The following MAST4 variants were observed in gnomAD, a reference collection of about 807,000 sequenced individuals.
MAST4 encodes the protein microtubule-associated serine/threonine-protein kinase 4.
A neutral mutation model predicts 162.7 loss-of-function variants in MAST4; 89 were observed. The observed-to-expected ratio is 0.55, with a 90% CI of 0.46 to 0.65. The LOEUF is 0.65. MAST4 is among the 30% of genes least tolerant of loss of function. MAST4 has a pLI of 0.00. For synonymous variants in MAST4, 1,479 were observed against 1,361.1 expected (o/e 1.09, Z -1.91); for missense variants, 3,153 against 3,374.0 (o/e 0.93, Z 1.62).
At chr5:66,722,846 A>G (rs956075325) in intron 1 of MAST4, among the ~76,000 whole-genome samples, 17 of 152,102 alleles carry the variant, frequency 1.1e-4, no homozygotes, top group Admixed American at 5.2e-4. Flanking sequence ...GGGGAGAGAT[A>G]CCCTCCTTAC....
intron 1 of MAST4, among the ~76,000 whole-genome samples, chr5:66,731,623 G>A (rs1464005274): frequency 6.6e-6 from 1 of 152,040 alleles, no homozygotes; most frequent in Non-Finnish European, 1.5e-5. Context: ...ACAAAAGGCA[G>A]TCTTTTCCTC....
In MAST4 at chr5:67,165,425, G is replaced by A; in HGVS notation, c.6246G>A (p.Lys2082=). ...LGKVRRGVEP[K]PEALLARRSL... The stretch of plus-strand genomic sequence containing the variant: ...AGGTGAGGCGTGGCGTGGAACCCAA[G>A]CCCGAAGCGCTTCTTGCCAGGCGGT... Residue 2082 remains lysine, a synonymous_variant, in exon 29 of 29, where the codon AAG becomes AAA. Coordinates refer to ENST00000403625, the MANE Select transcript of MAST4 (RefSeq NM_001164664.2). 1.2e-6 allele frequency: 2 copies of A among 1,613,914 alleles called. No individual in the cohort carries two copies. Among genetic ancestry groups the A allele is most frequent in the Non-Finnish European group, 1.7e-6 (2 of 1,179,898 alleles).
intron 1 of MAST4, among the ~76,000 whole-genome samples, chr5:66,610,035 T>G (rs1299268869): frequency 6.6e-6 from 1 of 152,018 alleles, no homozygotes; most frequent in Non-Finnish European, 1.5e-5. Context: ...TGGTGCAAAA[T>G]TATTTGCAGT....
intron 6 of MAST4, chr5:67,094,192 G>T: frequency 6.9e-7 from 1 of 1,451,198 alleles, no homozygotes; most frequent in South Asian, 1.4e-5. Context: ...TCTTAACATT[G>T]TAGTAGTTCT....
chr5:66,954,294 A>G (rs973660193), intron 4 of MAST4, among the ~76,000 whole-genome samples: 3 of 152,154 alleles, frequency 2.0e-5, no homozygotes, highest in Non-Finnish European at 4.4e-5. Context: ...GTATCTGAAC[A>G]TGTCCCAATT....
chr5:66,959,177 CTG>C (rs1171611080), intron 4 of MAST4: 1 of 778,174 alleles, frequency 1.3e-6, no homozygotes, highest in Non-Finnish European at 2.4e-6. Context: ...GTTTGGCTCT[CTG>C]TCATCACCGG....
chr5:66,670,257 G>T (rs1457212208), intron 1 of MAST4, among the ~76,000 whole-genome samples: 1 of 152,060 alleles, frequency 6.6e-6, no homozygotes, highest in Non-Finnish European at 1.5e-5. Context: ...TTTTGGATTA[G>T]TCATAGCTCT....
chr5:67,125,732 T>C (rs543059043), intron 14 of MAST4, among the ~76,000 whole-genome samples: 1 of 152,306 alleles, frequency 6.6e-6, no homozygotes, highest in East Asian at 1.9e-4. Flanking sequence ...TGTGTCTTAA[T>C]AGTAGAATGA....
In MAST4 at chr5:66,925,412, G is replaced by T. The variant is rs1191291832; in HGVS notation, c.674+25430G>T. ...TCAGGAAAGCTTTTACATTTTATGTGCAGGAAATCACTCTAAACAACACAT... is the reference window on the plus strand; with the variant it reads ...TCAGGAAAGCTTTTACATTTTATGTTCAGGAAATCACTCTAAACAACACAT... On this transcript the variant is annotated intron_variant, in intron 4 of 28. Transcript: ENST00000403625. Among the ~76,000 whole-genome samples, 2 of 152,170 alleles carry T rather than the reference G, an allele frequency of 1.3e-5. 1 individual carries two copies. Among genetic ancestry groups the T allele is most frequent in the African/African-American group, 4.8e-5 (2 of 41,434 alleles).
chr5:66,678,999 C>T (rs759654690), intron 1 of MAST4, among the ~76,000 whole-genome samples: 27 of 152,158 alleles, frequency 1.8e-4, no homozygotes, highest in Non-Finnish European at 3.5e-4. Context: ...GCCATGTTGG[C>T]CAGGCTGGTC....
At chr5:67,083,508 C>T (rs1762893678) in intron 5 of MAST4, among the ~76,000 whole-genome samples, 1 of 152,092 alleles carries the variant, frequency 6.6e-6, no homozygotes, top group Admixed American at 6.5e-5. Flanking sequence ...GCAATTGAAA[C>T]AAACAGTCTG....
intron 3 of MAST4, among the ~76,000 whole-genome samples, chr5:66,880,692 T>C (rs1275211105): frequency 6.6e-6 from 1 of 152,212 alleles, no homozygotes; most frequent in Non-Finnish European, 1.5e-5. Context: ...CAGCCTAACA[T>C]CTCTCTACTC....
At chr5:66,748,962 C>G (rs1264451765) in intron 1 of MAST4, among the ~76,000 whole-genome samples, 5 of 151,698 alleles carry the variant, frequency 3.3e-5, no homozygotes, top group Non-Finnish European at 7.4e-5. Context: ...GGGAAGGGGC[C>G]TTGCATATTC....
chr5:66,666,418 A>G (rs1747261287), intron 1 of MAST4, among the ~76,000 whole-genome samples: 1 of 152,222 alleles, frequency 6.6e-6, no homozygotes. Context: ...TGGAACTTGT[A>G]GTCTAATAAA....
intron 26 of MAST4, among the ~76,000 whole-genome samples, chr5:67,154,513 A>G (rs552906641): frequency 2.0e-5 from 3 of 152,318 alleles, no homozygotes; most frequent in Admixed American, 6.5e-5. Context: ...TGCTTCTATG[A>G]AATTTGAATG....
chr5:66,947,019 T>A (rs1317159553), intron 4 of MAST4, among the ~76,000 whole-genome samples: 1 of 152,170 alleles, frequency 6.6e-6, no homozygotes, highest in Non-Finnish European at 1.5e-5. Context: ...ATAAAATGAA[T>A]GATTACAGCT....
chr5:66,862,552 C>T (rs751137661), intron 3 of MAST4, among the ~76,000 whole-genome samples: 2 of 152,042 alleles, frequency 1.3e-5, no homozygotes, highest in Admixed American at 1.3e-4. Context: ...GATCATTGAC[C>T]GATGGATATA....
chr5:67,068,068 T>G (rs1760458825), intron 5 of MAST4, among the ~76,000 whole-genome samples: 2 of 152,078 alleles, frequency 1.3e-5, no homozygotes, highest in South Asian at 2.1e-4. Flanking sequence ...CTTGCACCCC[T>G]CCCAGTGAGG....
chr5:67,046,304 T>G (rs1228036890), intron 4 of MAST4, among the ~76,000 whole-genome samples: 1 of 152,178 alleles, frequency 6.6e-6, no homozygotes, highest in African/African-American at 2.4e-5. Context: ...TTTAGGGAAG[T>G]CCTATGAAAT....
Sources: gnomAD v4.1 joint callset for allele counts (sites outside exome capture counted in the v4.1 genomes callset) on GRCh38, gnomAD v4.1.1 for gene constraint, MANE v1.5 for transcripts, NCBI Gene and HGNC (gene_info 2026-07-23, HGNC 2026-07-21) for gene names.